Variants in EVC observed in about 807,000 individuals in gnomAD.
EVC encodes the protein EvC ciliary complex subunit 1, also known as evC complex member EVC.
Under a neutral mutation model 118.9 loss-of-function variants are expected in EVC, and 116 were observed. The observed-to-expected ratio is 0.98, with a 90% CI of 0.84 to 1.14. EVC has a LOEUF of 1.14. EVC is among the 50% of genes most tolerant of loss of function. EVC has a pLI of 0.00. For missense variants in EVC, 1,401 were observed against 1,246.4 expected (o/e 1.12, Z -1.87); for synonymous variants, 619 against 534.7 (o/e 1.16, Z -2.18).
At position 5,797,229 on chromosome 4, in the gene EVC, C is replaced by G; in HGVS notation, c.2094C>G (p.Ala698=). 6.2e-7 allele frequency: 1 copy of G among 1,604,878 alleles called. No individual in the cohort carries two copies. Among genetic ancestry groups the G allele is most frequent in the African/African-American group, 1.3e-5 (1 of 74,806 alleles). ...LDEHQWQLLR[A]LEARVLEEAS... is the part of the protein sequence containing the mutation. ...AGCATCAGTGGCAGCTGCTCAGGGC[C>G]CTGGTAAGACCAGCATGGTGGCCCC... Residue 698 remains alanine, a synonymous_variant, in exon 14 of 21, where the codon GCC becomes GCG. Coordinates refer to ENST00000264956, the MANE Select transcript of EVC (RefSeq NM_153717.3).
At chr4:5,815,117 A>C (rs905065425), downstream of EVC, among the ~76,000 whole-genome samples, 2 of 152,138 alleles carry the variant, frequency 1.3e-5, no homozygotes, top group Non-Finnish European at 2.9e-5. Flanking sequence ...GAAAGGGAAC[A>C]GTGGTCTTAA....
intron 12 of EVC, 89 bp from the exon 13 acceptor site, chr4:5,793,519 A>G: frequency 1.7e-6 from 2 of 1,147,228 alleles, no homozygotes; most frequent in East Asian, 5.1e-5. Context: ...AAACGCACAC[A>G]AACAAGAAAC....
chr4:5,771,538 G>T (rs559295320), intron 11 of EVC, among the ~76,000 whole-genome samples: 2 of 152,314 alleles, frequency 1.3e-5, no homozygotes, highest in South Asian at 4.1e-4. Context: ...GGATTGGGAC[G>T]TGGACATCTT....
intron 5 of EVC, 109 bp downstream of exon 5, chr4:5,733,544 A>G (rs1223718345): frequency 1.0e-6 from 1 of 974,610 alleles, no homozygotes; most frequent in Non-Finnish European, 1.6e-6. Flanking sequence ...ACATCAGTGG[A>G]AACAGAGCCG....
At chr4:5,723,007 C>A (rs1296160097) in intron 2 of EVC, among the ~76,000 whole-genome samples, 1 of 152,140 alleles carries the variant, frequency 6.6e-6, no homozygotes, top group East Asian at 1.9e-4. Context: ...ATCCTTCATC[C>A]CCTGGCAGAG....
rs188826931 is a variant in EVC at position 5,790,612 on chromosome 4, G to A, written c.1777-2996G>A. Among the ~76,000 whole-genome samples the A allele has an allele frequency of 1.5e-3, 228 of 152,232 alleles. 3 individuals are homozygous for A. Among genetic ancestry groups the A allele is most frequent in the Admixed American group, 6.0e-3 (91 of 15,282 alleles). On this transcript the variant is annotated intron_variant, in intron 12 of 20. Coordinates refer to ENST00000264956, the MANE Select transcript of EVC (RefSeq NM_153717.3). ...CATGGTGGATTTAGAAAATATTGGA[G>A]CTTTGGAGACAGAAAGATGCAGATT...
At chr4:5,724,035 G>A (rs1577337943) in intron 2 of EVC, among the ~76,000 whole-genome samples, 2 of 152,308 alleles carry the variant, frequency 1.3e-5, no homozygotes, top group Middle Eastern at 3.4e-3. Context: ...AAGATAATTC[G>A]ATTCCCACAG....
chr4:5,824,216 G>T, the EVC span: 1 of 843,668 alleles, frequency 1.2e-6, no homozygotes, highest in Non-Finnish European at 1.4e-6. Context: ...GAGAGCTTGT[G>T]TCTTGTTGCA....
chr4:5,822,323 A>T, the EVC span, among the ~76,000 whole-genome samples: 1 of 152,038 alleles, frequency 6.6e-6, no homozygotes, highest in Non-Finnish European at 1.5e-5. Flanking sequence ...TGAAGCCCAA[A>T]CTGGTTGGTT....
At chr4:5,732,542 G>A (rs1726988134) in intron 4 of EVC, among the ~76,000 whole-genome samples, 1 of 152,144 alleles carries the variant, frequency 6.6e-6, no homozygotes, top group Non-Finnish European at 1.5e-5. Context: ...TGCCTATGAG[G>A]GAAAAAAGGT....
the EVC span, among the ~76,000 whole-genome samples, chr4:5,822,614 G>T: frequency 6.6e-6 from 1 of 152,076 alleles, no homozygotes; most frequent in African/African-American, 2.4e-5. Context: ...CCAGTGCCTG[G>T]AGCTCAACAA....
rs73077601 is a variant in EVC, at chr4:5,809,293, G to A, written c.2689-225G>A. Among the ~76,000 whole-genome samples, 2,040 of 152,232 alleles carry A rather than the reference G, an allele frequency of 0.013. 40 individuals are homozygous for A. The highest frequency in any genetic ancestry group is 0.046 in the African/African-American group (1,891 of 41,516). On this transcript the variant is annotated intron_variant, in intron 18 of 20. Transcript: ENST00000264956. ...TGTACTCTGTCAACTGAAGACCGAC[G>A]GCCAGTGTGAGTGAGGACCCACAGT... is the stretch of plus-strand genomic sequence containing the variant.
In EVC at chr4:5,738,162, A is replaced by G. The variant is rs1405618957; in HGVS notation, c.703-3554A>G. On this transcript the variant is annotated intron_variant, in intron 5 of 20. Transcript: ENST00000264956. This position sits in a 1 kb window ranked among gnomAD's most constrained non-coding sequence, Gnocchi z 6.5. ...ATGTGGAAATAGCAAGAAAACTAGG[A>G]TTAGAATTGGAGCCTGAAGATGGGA... Among the ~76,000 whole-genome samples the G allele has an allele frequency of 1.3e-5, 2 of 152,172 alleles. No individual in the cohort carries two copies. The highest frequency in any genetic ancestry group is 1.5e-5 in the Non-Finnish European group (1 of 68,040).
chr4:5,791,161 C>G (rs1712709572), intron 12 of EVC, among the ~76,000 whole-genome samples: 1 of 152,040 alleles, frequency 6.6e-6, no homozygotes, highest in African/African-American at 2.4e-5. Context: ...AATGGAATAG[C>G]AGATTAAATT....
chr4:5,817,322 G>A (rs184189828), downstream of EVC, among the ~76,000 whole-genome samples: 61 of 152,292 alleles, frequency 4.0e-4, no homozygotes, highest in Middle Eastern at 6.8e-3. Context: ...TTTGGCTCCC[G>A]TCTGATAGGG....
intron 11 of EVC, among the ~76,000 whole-genome samples, chr4:5,771,085 A>G (rs570336128): frequency 2.0e-5 from 3 of 152,260 alleles, no homozygotes; most frequent in East Asian, 3.9e-4. Context: ...CATATTAGGT[A>G]TTAGTTTTCT....
At chr4:5,782,568 GAT>G (rs1735786359) in intron 11 of EVC, among the ~76,000 whole-genome samples, 1 of 90,472 alleles carries the variant, frequency 1.1e-5, no homozygotes, top group Non-Finnish European at 2.2e-5. Flanking sequence ...AAAAAAAAAA[GAT>G]GTGAGCGGTG....
intron 12 of EVC, among the ~76,000 whole-genome samples, chr4:5,784,189 A>G (rs543955878): frequency 1.3e-5 from 2 of 152,194 alleles, no homozygotes; most frequent in African/African-American, 4.8e-5. Context: ...AAAGATATCT[A>G]TGCTGTGTTC....
chr4:5,803,907 G>A (rs1177046662), intron 16 of EVC, among the ~76,000 whole-genome samples: 1 of 151,124 alleles, frequency 6.6e-6, no homozygotes, highest in Non-Finnish European at 1.5e-5. Context: ...TGGGATGACA[G>A]GTCTAAACCA....
Sources: gnomAD v4.1 joint callset for allele counts (sites outside exome capture counted in the v4.1 genomes callset) on GRCh38, gnomAD v4.1.1 for gene constraint, Gnocchi (gnomAD v3.1) non-coding constraint, MANE v1.5 for transcripts, NCBI Gene and HGNC (gene_info 2026-07-23, HGNC 2026-07-21) for gene names.